Variants in TRMT1L observed in about 807,000 individuals in gnomAD.
TRMT1L encodes the protein tRNA (guanine(27)-N(2))-dimethyltransferase.
TRMT1L carries 28 observed loss-of-function variants against 81.6 expected under a neutral mutation model. The observed-to-expected ratio is 0.34, with a 90% CI of 0.25 to 0.47. The LOEUF (loss-of-function observed/expected upper bound fraction) is 0.47. Among genes scored for constraint, TRMT1L ranks in the 20% least tolerant of loss-of-function variants. TRMT1L has a pLI of 1.00. For missense variants in TRMT1L, 739 were observed against 877.1 expected, an observed-to-expected ratio of 0.84 and a Z score of 1.99; for synonymous variants, 301 against 303.2, an observed-to-expected ratio of 0.99 and a Z score of 0.07.
intron 9 of TRMT1L, 35 bp downstream of exon 9, chr1:185,139,332 G>C: frequency 6.4e-7 from 1 of 1,551,772 alleles, no homozygotes; most frequent in South Asian, 1.1e-5. Flanking sequence ...ATCAAATACT[G>C]AAACACACTA....
At chr1:185,128,865 GTAT>G (rs1652698987) in intron 10 of TRMT1L, 118 bp from the exon 11 acceptor site, 21 of 844,792 alleles carry the variant, frequency 2.5e-5, no homozygotes, top group African/African-American at 7.0e-5. Flanking sequence ...TATGTGCCAG[GTAT>G]TATGCTAAGT....
chr1:185,134,149 T>G (rs1451566188), intron 10 of TRMT1L, among the ~76,000 whole-genome samples: 2 of 151,558 alleles, frequency 1.3e-5, no homozygotes, highest in African/African-American at 4.9e-5. Context: ...GAGGTTATTA[T>G]TTTATTAATA....
chr1:185,149,451 G>C lies in TRMT1L; in HGVS notation c.460+928C>G, dbSNP rs138519080. On this transcript the variant is annotated intron_variant, in intron 3 of 14. Coordinates refer to ENST00000367506, the MANE Select transcript of TRMT1L (RefSeq NM_030934.5). ...TCTAGCAGTTGCAACTACAGGCACA[G>C]GCCACCTCGCCTGGCTAATTTTTTC... Among the ~76,000 whole-genome samples the C allele has an allele frequency of 6.6e-3, 1,005 of 151,988 alleles. 21 individuals are homozygous for C. Among genetic ancestry groups the C allele is most frequent in the African/African-American group, 0.023 (967 of 41,458 alleles).
intron 10 of TRMT1L, among the ~76,000 whole-genome samples, chr1:185,131,578 A>G (rs570672332): frequency 2.0e-5 from 3 of 152,108 alleles, no homozygotes; most frequent in African/African-American, 7.2e-5. Context: ...AACAATAATC[A>G]CTTGACTAGC....
Position 185,143,396 on chromosome 1 carries a change from G to T in TRMT1L, c.820C>A (p.Arg274=), listed in dbSNP as rs987975239. 1 of 1,611,324 alleles carries T rather than the reference G, an allele frequency of 6.2e-7. No homozygotes were observed. Among genetic ancestry groups the T allele is most frequent in the South Asian group, 1.1e-5 (1 of 90,856 alleles). Residue 274 remains arginine, a synonymous_variant, in exon 7 of 15, where the codon CGA becomes AGA. Coordinates refer to ENST00000367506, the MANE Select transcript of TRMT1L (RefSeq NM_030934.5). ...GCATCTAGACATTCCAAAGGTTTTC[G>T]TTCCTCAGCCAAAGCAGCCAATGTA... ...FCTLAALAEE[R]KPLECLDAFG...
At chr1:185,130,165 C>T (rs1247735055) in intron 10 of TRMT1L, among the ~76,000 whole-genome samples, 1 of 152,174 alleles carries the variant, frequency 6.6e-6, no homozygotes, top group African/African-American at 2.4e-5. Flanking sequence ...GCTATCAATT[C>T]AAGTTACTAG....
chr1:185,123,132 A>C (rs1248842696), intron 13 of TRMT1L, among the ~76,000 whole-genome samples: 3 of 152,212 alleles, frequency 2.0e-5, no homozygotes, highest in Non-Finnish European at 4.4e-5. Context: ...GTAGTTATTT[A>C]AACTATATAC....
intron 5 of TRMT1L, among the ~76,000 whole-genome samples, chr1:185,144,341 A>G (rs542261575): frequency 6.6e-6 from 1 of 151,986 alleles, no homozygotes; most frequent in Non-Finnish European, 1.5e-5. Context: ...AAGAACAATC[A>G]CCCTAGGAAA....
Position 185,139,492 on chromosome 1 carries a change from A to G in TRMT1L, c.1197T>C (p.Ser399=), listed in dbSNP as rs1652982191. 8.1e-6 allele frequency: 13 copies of G among 1,614,038 alleles called. No individual in the cohort carries two copies. The highest frequency in any genetic ancestry group is 1.1e-5 in the South Asian group (1 of 91,088). The change falls in exon 9 of 15, where the codon TCT becomes TCC. Residue 399 remains serine, a synonymous_variant. Coordinates refer to ENST00000367506, the MANE Select transcript of TRMT1L (RefSeq NM_030934.5). ...TGGCATATAAAGAACTGATATCTGT[A>G]GAAGTCACTGACACTATGCCAAGGT... ...IRNLGIVSVT[S]TDISSLYAKA...
intron 10 of TRMT1L, among the ~76,000 whole-genome samples, chr1:185,137,001 A>T (rs960121207): frequency 3.3e-5 from 5 of 152,182 alleles, no homozygotes; most frequent in Admixed American, 1.3e-4. Context: ...GATTAAAAAA[A>T]AAGTGACAAA....
rs376236329 is a variant in TRMT1L at position 185,119,180 on chromosome 1, T to G, written c.*839A>C. ...AAACAACCCCCAAACCCAAAAACTC[T>G]CATTCCATAAGGTGACAAATTTTAC... is the stretch of plus-strand genomic sequence containing the variant. On this transcript the variant is annotated 3_prime_UTR_variant, in exon 15 of 15. Transcript: ENST00000367506. The G allele has an allele frequency of 1.6e-4, 25 of 152,002 alleles. No homozygotes were observed. The East Asian group carries it at 4.1e-3, about 25-fold the overall frequency. 9.4% of individuals were successfully genotyped at this position (152,002 alleles called of 1,614,324 possible). A position where few individuals can be genotyped will look rare whatever the true frequency, so the allele number is the denominator to read the frequency against.
intron 10 of TRMT1L, among the ~76,000 whole-genome samples, chr1:185,134,821 G>A (rs757026659): frequency 6.6e-6 from 1 of 152,176 alleles, no homozygotes; most frequent in Non-Finnish European, 1.5e-5. Context: ...GCTCTATTGA[G>A]TAAACTGAGA....
upstream of TRMT1L, chr1:185,157,042 C>T: frequency 3.2e-6 from 1 of 315,124 alleles, no homozygotes; most frequent in Non-Finnish European, 6.0e-6. Context: ...CTCCGGCCCA[C>T]CGGCCAACCA....
intron 11 of TRMT1L, among the ~76,000 whole-genome samples, chr1:185,126,676 T>TATTCTGG (rs1389233463): frequency 6.6e-6 from 1 of 152,142 alleles, no homozygotes; most frequent in East Asian, 1.9e-4. Context: ...GAGGGGAAGG[T>TATTCTGG]ATTCTGGATG....
At chr1:185,152,769 T>C (rs1338306088) in intron 1 of TRMT1L, among the ~76,000 whole-genome samples, 1 of 152,102 alleles carries the variant, frequency 6.6e-6, no homozygotes, top group East Asian at 1.9e-4. Context: ...AATGGTATAT[T>C]AAGCAAACAA....
chr1:185,129,091 T>G (rs1652706960), intron 10 of TRMT1L, among the ~76,000 whole-genome samples: 1 of 152,138 alleles, frequency 6.6e-6, no homozygotes, highest in African/African-American at 2.4e-5. Flanking sequence ...GAGGTGTAAC[T>G]GATATTTACT....
intron 13 of TRMT1L, among the ~76,000 whole-genome samples, chr1:185,122,773 C>G (rs935419624): frequency 1.3e-5 from 2 of 150,728 alleles, no homozygotes; most frequent in South Asian, 2.1e-4. Context: ...CAGCCTCTGC[C>G]TCCTGGGTTC....
intron 10 of TRMT1L, among the ~76,000 whole-genome samples, chr1:185,131,428 C>A (rs1652767644): frequency 6.6e-6 from 1 of 151,860 alleles, no homozygotes; most frequent in Non-Finnish European, 1.5e-5. Context: ...GAGAACTGAA[C>A]AACAAAACAA....
At chr1:185,151,194 TA>T (rs1423631652) in intron 2 of TRMT1L, among the ~76,000 whole-genome samples, 4 of 152,210 alleles carry the variant, frequency 2.6e-5, no homozygotes, top group Non-Finnish European at 5.9e-5. Flanking sequence ...TTTAAAGCAA[TA>T]AAATATACAG....
Sources: allele counts gnomAD v4.1 joint callset (sites outside exome capture counted in the v4.1 genomes callset), GRCh38; gene constraint gnomAD v4.1.1; transcripts MANE v1.5; gene names NCBI Gene and HGNC (gene_info 2026-07-23, HGNC 2026-07-21).